TENM1: variants seen among roughly 807,000 people sequenced by gnomAD.
TENM1 encodes the protein teneurin transmembrane protein 1.
A neutral mutation model predicts 174.8 loss-of-function variants in TENM1; 35 were observed. That is an observed-to-expected ratio of 0.20 (90% CI 0.15 to 0.27). The LOEUF is 0.27. Among genes scored for constraint, TENM1 ranks in the 10% least tolerant of loss-of-function variants. The pLI, the probability that TENM1 is intolerant of heterozygous loss-of-function variation, is 1.00. For synonymous variants in TENM1, 781 were observed against 798.7 expected, an observed-to-expected ratio of 0.98 and a Z score of 0.37; for missense variants, 1,633 against 2,130.1, an observed-to-expected ratio of 0.77 and a Z score of 4.59.
the TENM1 span, among the ~76,000 whole-genome samples, chrX:125,014,744 A>G: frequency 9.0e-6 from 1 of 111,425 alleles, no homozygotes; most frequent in Non-Finnish European, 1.9e-5. Context: ...GGATTTCAAA[A>G]TCTTTAGAGT....
chrX:125,119,486 T>G, the TENM1 span, among the ~76,000 whole-genome samples: 1 of 110,175 alleles, frequency 9.1e-6, no homozygotes, highest in Non-Finnish European at 1.9e-5. Flanking sequence ...CCAACACCTA[T>G]TTACATTTTC....
chrX:124,384,246 C>T (rs757602615), exon 30 of TENM1: 2 of 1,209,811 alleles, frequency 1.7e-6, no homozygotes, highest in South Asian at 3.5e-5. Context: ...ATATCATTTC[C>T]CCTCTGCCTC....
chrX:124,408,730 A>G (rs1413850935), intron 25 of TENM1, among the ~76,000 whole-genome samples: 1 of 106,249 alleles, frequency 9.4e-6, no homozygotes, highest in Non-Finnish European at 1.9e-5. Context: ...CAGGTTAGTT[A>G]CATATGTATA....
At chrX:124,945,836 A>G (rs1400322109) in intron 1 of TENM1, among the ~76,000 whole-genome samples, 1 of 111,820 alleles carries the variant, frequency 8.9e-6, no homozygotes, top group Non-Finnish European at 1.9e-5. Flanking sequence ...ATGGAGGATC[A>G]GTAAAAGTGA....
chrX:124,745,015 C>T (rs1354236745), intron 3 of TENM1, among the ~76,000 whole-genome samples: 4 of 111,303 alleles, frequency 3.6e-5, no homozygotes, highest in Admixed American at 9.6e-5. Flanking sequence ...AGTGAGGGCA[C>T]GCTATATTAA....
chrX:125,017,026 A>C, the TENM1 span, among the ~76,000 whole-genome samples: 2 of 111,864 alleles, frequency 1.8e-5, no homozygotes, highest in African/African-American at 3.3e-5. Context: ...GAAAACTGAA[A>C]CTGGGCCCCT....
At chrX:124,790,549 C>T (rs1022690233) in intron 3 of TENM1, among the ~76,000 whole-genome samples, 3 of 111,761 alleles carry the variant, frequency 2.7e-5, no homozygotes, top group African/African-American at 9.7e-5. Flanking sequence ...CTCCAAGAGC[C>T]GTGAGGAGTA....
At chrX:124,935,296 T>C (rs1346592637) in intron 1 of TENM1, among the ~76,000 whole-genome samples, 1 of 109,736 alleles carries the variant, frequency 9.1e-6, no homozygotes, top group Non-Finnish European at 1.9e-5. Flanking sequence ...TGGCCAGAAA[T>C]ATTAAGATGC....
intron 11 of TENM1, among the ~76,000 whole-genome samples, chrX:124,592,599 C>T (rs927384493): frequency 4.6e-5 from 5 of 109,630 alleles, no homozygotes; most frequent in African/African-American, 1.7e-4. Flanking sequence ...CTACGTCCAG[C>T]TAATTTTTAT....
At chrX:124,908,382 CT>C (rs1170905426) in intron 1 of TENM1, among the ~76,000 whole-genome samples, 1 of 110,849 alleles carries the variant, frequency 9.0e-6, no homozygotes, top group African/African-American at 3.3e-5. Flanking sequence ...TCCATGTGTT[CT>C]CATTGTTCAA....
intron 8 of TENM1, among the ~76,000 whole-genome samples, chrX:124,648,616 T>G (rs149679780): frequency 0.01 from 1,154 of 112,337 alleles, 13 homozygotes; most frequent in African/African-American, 0.035. Flanking sequence ...AAGAGACTTT[T>G]TATCATTCAG....
intron 1 of TENM1, among the ~76,000 whole-genome samples, chrX:124,938,893 T>C (rs2058284730): frequency 9.0e-6 from 1 of 111,725 alleles, no homozygotes; most frequent in African/African-American, 3.3e-5. Context: ...TTGGAGTCTA[T>C]TTGAATGCCC....
chrX:124,842,538 G>A (rs1038289576), intron 3 of TENM1, among the ~76,000 whole-genome samples: 3 of 111,336 alleles, frequency 2.7e-5, no homozygotes, highest in Admixed American at 9.5e-5. Context: ...CTTTCTCACC[G>A]TTTTTGAGGC....
chrX:124,999,772 G>A, the TENM1 span, among the ~76,000 whole-genome samples: 45,863 of 109,815 alleles, frequency 0.42, 8,155 homozygotes, highest in African/African-American at 0.69. Flanking sequence ...GCAATTTAAG[G>A]AAAGAAAAGA....
intron 1 of TENM1, among the ~76,000 whole-genome samples, chrX:124,937,194 C>T (rs1356194039): frequency 9.0e-6 from 1 of 111,369 alleles, no homozygotes; most frequent in Non-Finnish European, 1.9e-5. Flanking sequence ...AATAGAAAAT[C>T]AATAATGACT....
intron 4 of TENM1, among the ~76,000 whole-genome samples, chrX:124,730,469 C>T (rs1028560282): frequency 9.0e-6 from 1 of 110,757 alleles, no homozygotes; most frequent in African/African-American, 3.3e-5. Context: ...ATGAGAAAAC[C>T]GAGACATGGT....
At chrX:124,526,364 A>G (rs1402515012) in intron 16 of TENM1, among the ~76,000 whole-genome samples, 1 of 111,963 alleles carries the variant, frequency 8.9e-6, no homozygotes, top group Admixed American at 9.5e-5. Flanking sequence ...CTCTCAAGAC[A>G]ATAATATCAA....
At chrX:124,786,600 C>G (rs2055042191) in intron 3 of TENM1, among the ~76,000 whole-genome samples, 1 of 111,948 alleles carries the variant, frequency 8.9e-6, no homozygotes, top group African/African-American at 3.2e-5. Flanking sequence ...TGGAAATAAA[C>G]TGTATCCAAG....
the TENM1 span, among the ~76,000 whole-genome samples, chrX:124,980,810 G>A: frequency 1.8e-5 from 2 of 110,941 alleles, no homozygotes; most frequent in East Asian, 5.6e-4. Context: ...GAAGAGAAAT[G>A]CACCAAAATA....
Sources: allele counts gnomAD v4.1 joint callset (sites outside exome capture counted in the v4.1 genomes callset), GRCh38; gene constraint gnomAD v4.1.1; transcripts MANE v1.5; gene names NCBI Gene and HGNC (gene_info 2026-07-23, HGNC 2026-07-21).